SAE1: variants seen among roughly 807,000 people sequenced by gnomAD.
SAE1 encodes SUMO-activating enzyme subunit 1.
In SAE1, 11 loss-of-function variants were observed where a neutral mutation model predicts 40.6. That is an observed-to-expected ratio of 0.27 (90% CI 0.17 to 0.45). The LOEUF is 0.45. SAE1 is among the 20% of genes least tolerant of loss of function. The pLI is 1.00. For missense variants in SAE1, 373 were observed against 427.3 expected, an observed-to-expected ratio of 0.87 and a Z score of 1.12; for synonymous variants, 155 against 154.3, an observed-to-expected ratio of 1.00 and a Z score of -0.03.
chr19:47,155,239 C>A, intron 5 of SAE1, 26 bp downstream of exon 5: 1 of 1,509,426 alleles, frequency 6.6e-7, no homozygotes, highest in South Asian at 1.1e-5. Context: ...GGGCAGAGGT[C>A]AGAAACCCTG....
intron 7 of SAE1, among the ~76,000 whole-genome samples, chr19:47,199,582 C>T (rs1364370812): frequency 2.6e-5 from 4 of 152,004 alleles, no homozygotes; most frequent in Admixed American, 6.6e-5. Flanking sequence ...CTCTGCTGGC[C>T]GGTGATGCAG....
intron 7 of SAE1, among the ~76,000 whole-genome samples, chr19:47,199,658 A>C (rs112208039): frequency 0.011 from 1,675 of 152,188 alleles, 27 homozygotes; most frequent in African/African-American, 0.039. Flanking sequence ...GGCCCAGCAC[A>C]CAGCCCCAGG....
intron 7 of SAE1, among the ~76,000 whole-genome samples, chr19:47,199,285 T>G (rs1039897949): frequency 6.8e-6 from 1 of 146,318 alleles, no homozygotes; most frequent in African/African-American, 2.6e-5. Context: ...CTCGGGAGGC[T>G]GAGGCAGGAG....
chr19:47,176,252 G>A (rs888014085), intron 6 of SAE1, among the ~76,000 whole-genome samples: 3 of 152,166 alleles, frequency 2.0e-5, no homozygotes, highest in African/African-American at 7.2e-5. Flanking sequence ...CGTCATCTAT[G>A]ACCAGTCTCA....
At chr19:47,131,206 G>A in intron 1 of SAE1, 178 bp downstream of exon 1, 4 of 1,371,166 alleles carry the variant, frequency 2.9e-6, no homozygotes, top group Non-Finnish European at 3.7e-6. Flanking sequence ...GTTTCTGGAA[G>A]GTCTGGGAAG....
rs1490815970 is a variant in SAE1 at position 47,209,561 on chromosome 19, G to C, written c.*310G>C. The C allele has an allele frequency of 2.3e-6, 1 of 438,188 alleles. No individual in the cohort carries two copies. Among genetic ancestry groups the C allele is most frequent in the Admixed American group, 4.0e-5 (1 of 25,230 alleles). 27.1% of individuals were successfully genotyped at this position (438,188 alleles called of 1,614,324 possible). On this transcript the variant is annotated 3_prime_UTR_variant, in exon 9 of 9. Coordinates refer to ENST00000270225, the MANE Select transcript of SAE1 (RefSeq NM_005500.3). ...TCTGCCCTTTCTCTGTCCTTATGCT[G>C]TCCCGGCCTCGCCAGCCCTCTGGGG...
At chr19:47,192,216 T>C (rs1207495009) in intron 6 of SAE1, among the ~76,000 whole-genome samples, 5 of 152,076 alleles carry the variant, frequency 3.3e-5, no homozygotes, top group African/African-American at 4.8e-5. Context: ...GGGTAATTAT[T>C]ATCACCCTTC....
chr19:47,197,305 T>G lies in SAE1; in HGVS notation c.806T>G (p.Leu269Trp). The G allele has an allele frequency of 6.2e-7, 1 of 1,614,124 alleles. No individual in the cohort carries two copies. The highest frequency in any genetic ancestry group is 1.1e-5 in the South Asian group (1 of 91,084). The change falls in exon 7 of 9, where the codon TTG (leucine) becomes TGG (tryptophan). Residue 269 changes from leucine (L) to tryptophan (W), a missense_variant. Physicochemically the swap from Leu to Trp is moderately conservative, Grantham distance 61. Around this residue, in one of 3 missense-constraint regions of SAE1, gnomAD observed 351 missense variants for 390.6 expected, o/e 0.90. Transcript: ENST00000270225. ...ACATATGAGGAAGATTCTGAGTTGT[T>G]GCTCCAGATACGAAATGATGTGCTT... ...SDTYEEDSELLLQIRNDVLDS... is the reference protein window; with the variant it reads ...SDTYEEDSELWLQIRNDVLDS...
In SAE1 at chr19:47,131,044, G is replaced by T. The variant is rs1037336406; in HGVS notation, c.98+16G>T. 6.6e-7 allele frequency: 1 copy of T among 1,521,398 alleles called. No homozygotes were observed. The highest frequency in any genetic ancestry group is 2.5e-5 in the East Asian group (1 of 40,012). The allele number at this position is 1,521,398 out of a possible 1,614,324, so 94.2% of individuals were successfully genotyped here. ...CCCAGAAACGGTCAGGGCCGGCGCG[G>T]CTTGAGGCCGCTAGGGTCTGGAGGG... On this transcript the variant is annotated intron_variant, in intron 1 of 8. Transcript: ENST00000270225.
At chr19:47,134,026 C>G (rs1239353577) in intron 1 of SAE1, among the ~76,000 whole-genome samples, 1 of 151,920 alleles carries the variant, frequency 6.6e-6, no homozygotes, top group Non-Finnish European at 1.5e-5. Flanking sequence ...CCATGCCCAG[C>G]TAATTTTTGT....
intron 2 of SAE1, among the ~76,000 whole-genome samples, chr19:47,147,199 GTTTTTT>G (rs397859917): frequency 4.9e-5 from 3 of 60,934 alleles, no homozygotes; most frequent in African/African-American, 1.4e-4. Flanking sequence ...ATGTGTATGG[GTTTTTT>G]TTTTTTTTTT....
chr19:47,134,586 A>G lies in SAE1; in HGVS notation c.98+3558A>G, dbSNP rs576387440. Among the ~76,000 whole-genome samples the G allele has an allele frequency of 2.6e-5, 4 of 151,762 alleles. No individual in the cohort carries two copies. In the East Asian group the frequency reaches 7.8e-4, roughly 29 times the overall value. ...TTTATGTGAGTTGGAGGAAACTTTG[A>G]GGAAGCTTGGTGTGTTCTGAGATCC... On this transcript the variant is annotated intron_variant, in intron 1 of 8. Transcript: ENST00000270225.
intron 1 of SAE1, among the ~76,000 whole-genome samples, chr19:47,137,713 G>A (rs1301044703): frequency 6.8e-6 from 1 of 146,510 alleles, no homozygotes; most frequent in Non-Finnish European, 1.5e-5. Context: ...TTGTGTGTGT[G>A]TGTGTGTGTG....
intron 6 of SAE1, among the ~76,000 whole-genome samples, chr19:47,174,816 G>T (rs898368343): frequency 6.6e-6 from 1 of 150,836 alleles, no homozygotes; most frequent in East Asian, 2.0e-4. Context: ...CTCGTGATCC[G>T]CCTGCCTCAG....
intron 8 of SAE1, among the ~76,000 whole-genome samples, chr19:47,207,025 G>A (rs2058690037): frequency 6.6e-6 from 1 of 152,164 alleles, no homozygotes; most frequent in Non-Finnish European, 1.5e-5. Flanking sequence ...ACTGGGTGCA[G>A]TAGCTCATGC....
chr19:47,176,895 CA>C (rs905967518), intron 6 of SAE1, among the ~76,000 whole-genome samples: 1 of 151,918 alleles, frequency 6.6e-6, no homozygotes, highest in Non-Finnish European at 1.5e-5. Context: ...TTTCCTGTGG[CA>C]AAAAAATGAC....
intron 2 of SAE1, 59 bp downstream of exon 2, chr19:47,143,664 C>T: frequency 7.6e-7 from 1 of 1,324,426 alleles, no homozygotes; most frequent in Non-Finnish European, 1.1e-6. Context: ...GCATGAAGAT[C>T]TGCAGATTTT....
intron 8 of SAE1, 57 bp downstream of exon 8, chr19:47,203,797 C>A: frequency 6.9e-7 from 1 of 1,446,468 alleles, no homozygotes; most frequent in Non-Finnish European, 9.7e-7. Flanking sequence ...TATGTGCTGA[C>A]AGAGAGAATG....
At chr19:47,177,880 G>A (rs2058479973) in intron 6 of SAE1, among the ~76,000 whole-genome samples, 1 of 152,136 alleles carries the variant, frequency 6.6e-6, no homozygotes, top group Non-Finnish European at 1.5e-5. Flanking sequence ...GGGCCAGCAG[G>A]ATAGAGGCTG....
Sources: gnomAD v4.1 joint callset for allele counts (sites outside exome capture counted in the v4.1 genomes callset) on GRCh38, gnomAD v4.1.1 for gene constraint, gnomAD v4.1.1 regional missense constraint, MANE v1.5 for transcripts, NCBI Gene and HGNC (gene_info 2026-07-23, HGNC 2026-07-21) for gene names.